Variants in GRIN2B observed in about 807,000 individuals in gnomAD.
GRIN2B encodes glutamate ionotropic receptor NMDA type subunit 2B.
GRIN2B carries 5 observed loss-of-function variants against 114.5 expected under a neutral mutation model. The observed-to-expected ratio is 0.04, with a 90% CI of 0.02 to 0.09. The LOEUF (loss-of-function observed/expected upper bound fraction) is 0.09, where lower values mean the gene tolerates loss of function less well. GRIN2B is among the 10% of genes least tolerant of loss of function. The pLI, the probability that GRIN2B is intolerant of heterozygous loss-of-function variation, is 1.00. For missense variants in GRIN2B, 1,108 were observed against 1,943.5 expected, an observed-to-expected ratio of 0.57 and a Z score of 8.08; for synonymous variants, 787 against 745.1, an observed-to-expected ratio of 1.06 and a Z score of -0.92.
Position 13,615,314 on chromosome 12 carries a change from G to C in GRIN2B, c.1501-47C>G. 2 of 1,593,432 alleles carry C rather than the reference G, an allele frequency of 1.3e-6. No individual in the cohort carries two copies. The highest frequency in any genetic ancestry group is 1.7e-6 in the Non-Finnish European group (2 of 1,161,358). On this transcript the variant is annotated intron_variant, in intron 7 of 13. Transcript: ENST00000609686. The surrounding 1 kb of genome is among the most constrained non-coding windows in gnomAD (Gnocchi z 5.8). ...CCAATTAAAACATTCAGGAGGGCAA[G>C]GGACCACCACAAGGAAAATACAGCC...
At chr12:13,910,933 G>C (rs926660408) in intron 2 of GRIN2B, among the ~76,000 whole-genome samples, 2 of 151,722 alleles carry the variant, frequency 1.3e-5, no homozygotes, top group Non-Finnish European at 2.9e-5. Context: ...CACACTGATG[G>C]GTGTCTGGAA....
chr12:13,636,183 C>A (rs554792562), intron 5 of GRIN2B, among the ~76,000 whole-genome samples: 2 of 152,270 alleles, frequency 1.3e-5, no homozygotes, highest in Admixed American at 1.3e-4. Flanking sequence ...GCAGAAGACT[C>A]TGCAAGGGCA....
At chr12:13,745,492 A>G (rs1863364228) in intron 4 of GRIN2B, among the ~76,000 whole-genome samples, 1 of 152,198 alleles carries the variant, frequency 6.6e-6, no homozygotes, top group African/African-American at 2.4e-5. Flanking sequence ...CCTTCTGAGG[A>G]CATGGCCAAG....
At chr12:13,879,126 CAG>C (rs76762255) in intron 2 of GRIN2B, among the ~76,000 whole-genome samples, 3,743 of 152,264 alleles carry the variant, frequency 0.025, 78 homozygotes, top group South Asian at 0.044. Flanking sequence ...GGCTTAATGA[CAG>C]AGCTATGTCC....
At chr12:13,820,100 G>A (rs1329810028) in intron 3 of GRIN2B, among the ~76,000 whole-genome samples, 1 of 152,056 alleles carries the variant, frequency 6.6e-6, no homozygotes, top group Non-Finnish European at 1.5e-5. Flanking sequence ...CCAAAAGATT[G>A]TACCAAATTC....
intron 2 of GRIN2B, among the ~76,000 whole-genome samples, chr12:13,920,951 G>C (rs1866812081): frequency 6.6e-6 from 1 of 152,134 alleles, no homozygotes; most frequent in African/African-American, 2.4e-5. Context: ...TGCAGGATTT[G>C]TACCAATCCT....
chr12:13,703,133 A>G (rs185412804), intron 4 of GRIN2B, among the ~76,000 whole-genome samples: 23 of 152,304 alleles, frequency 1.5e-4, no homozygotes, highest in Admixed American at 7.9e-4. Context: ...TATTACCTCA[A>G]ATAAATTTCT....
At chr12:13,785,841 C>T (rs374566044) in intron 3 of GRIN2B, among the ~76,000 whole-genome samples, 1 of 152,068 alleles carries the variant, frequency 6.6e-6, no homozygotes, top group African/African-American at 2.4e-5. Context: ...AATGTTAATC[C>T]GTTGTCAAAT....
chr12:13,837,632 G>A (rs143285771), intron 3 of GRIN2B, among the ~76,000 whole-genome samples: 1 of 152,256 alleles, frequency 6.6e-6, no homozygotes, highest in African/African-American at 2.4e-5. Flanking sequence ...CACACAGACA[G>A]GAGCCAGCAA....
intron 4 of GRIN2B, among the ~76,000 whole-genome samples, chr12:13,688,310 C>T (rs1950188015): frequency 6.6e-6 from 1 of 152,164 alleles, no homozygotes; most frequent in African/African-American, 2.4e-5. Flanking sequence ...ATACACCAAC[C>T]AGTGGTCCAT....
chr12:13,708,814 GC>G (rs1950387619), intron 4 of GRIN2B, among the ~76,000 whole-genome samples: 1 of 151,948 alleles, frequency 6.6e-6, no homozygotes, highest in Admixed American at 6.6e-5. Flanking sequence ...TTGTTTATTA[GC>G]TTTTTCATTC....
intron 8 of GRIN2B, among the ~76,000 whole-genome samples, chr12:13,613,838 C>T (rs1212916307): frequency 6.6e-6 from 1 of 152,044 alleles, no homozygotes; most frequent in Non-Finnish European, 1.5e-5. Flanking sequence ...ACTAACTGCT[C>T]CTCCTCTGAA....
At chr12:13,939,543 C>CA (rs781345220) in intron 2 of GRIN2B, among the ~76,000 whole-genome samples, 1 of 88,044 alleles carries the variant, frequency 1.1e-5, no homozygotes, top group African/African-American at 4.4e-5. Flanking sequence ...CTGCACCGTG[C>CA]TTTTTTTTTT....
chr12:13,607,383 T>TATAATATATATTATATATTATATATAA (rs1565473796), intron 10 of GRIN2B, among the ~76,000 whole-genome samples: 4 of 54,680 alleles, frequency 7.3e-5, no homozygotes, highest in Non-Finnish European at 1.2e-4. Flanking sequence ...ATTATATATA[T>TATAATATATATTATATATTATATATAA]AATATATATT....
chr12:13,867,894 C>CA (rs35373437), intron 2 of GRIN2B, among the ~76,000 whole-genome samples: 19,182 of 130,416 alleles, frequency 0.15, 1,339 homozygotes, highest in Middle Eastern at 0.21. Flanking sequence ...CTGCTTGTTT[C>CA]AAAAAAAAAA....
At chr12:13,625,469 G>C (rs1008562058) in intron 5 of GRIN2B, among the ~76,000 whole-genome samples, 1 of 152,168 alleles carries the variant, frequency 6.6e-6, no homozygotes, top group Admixed American at 6.5e-5. Flanking sequence ...GTGTGACCTT[G>C]CATGAATTAT....
intron 2 of GRIN2B, among the ~76,000 whole-genome samples, chr12:13,938,990 A>G (rs1277786585): frequency 6.6e-6 from 1 of 152,196 alleles, no homozygotes; most frequent in Non-Finnish European, 1.5e-5. Context: ...CATTCAGGAA[A>G]GAAAGAAAAG....
intron 5 of GRIN2B, among the ~76,000 whole-genome samples, chr12:13,673,503 C>G (rs1044843879): frequency 1.3e-5 from 2 of 152,088 alleles, no homozygotes; most frequent in Admixed American, 1.3e-4. Context: ...TTCTGGCAGC[C>G]ATATTTTGGA....
At chr12:13,573,748 G>C (rs567466495) in intron 10 of GRIN2B, among the ~76,000 whole-genome samples, 1 of 152,284 alleles carries the variant, frequency 6.6e-6, no homozygotes, top group African/African-American at 2.4e-5. Flanking sequence ...GATTGCCTGG[G>C]ATTAGAAGTA....
Sources: allele counts gnomAD v4.1 joint callset (sites outside exome capture counted in the v4.1 genomes callset), GRCh38; gene constraint gnomAD v4.1.1; non-coding constraint Gnocchi (gnomAD v3.1); transcripts MANE v1.5; gene names NCBI Gene and HGNC (gene_info 2026-07-23, HGNC 2026-07-21).